TRIM71: variants seen among roughly 807,000 people sequenced by gnomAD.
TRIM71 encodes tripartite motif containing 71, also known as E3 ubiquitin-protein ligase TRIM71.
In TRIM71, 9 loss-of-function variants were observed where a neutral mutation model predicts 61.2. The observed-to-expected ratio is 0.15, with a 90% CI of 0.09 to 0.26. The LOEUF is 0.26. TRIM71 is among the 10% of genes least tolerant of loss of function. TRIM71 has a pLI of 1.00. For missense variants in TRIM71, 998 were observed against 1,238.7 expected, an observed-to-expected ratio of 0.81 and a Z score of 2.92; for synonymous variants, 645 against 553.2, an observed-to-expected ratio of 1.17 and a Z score of -2.33.
chr3:32,876,223 G>A (rs1176235335), intron 2 of TRIM71, among the ~76,000 whole-genome samples: 2 of 152,076 alleles, frequency 1.3e-5, no homozygotes, highest in Non-Finnish European at 2.9e-5. Context: ...ACAAATAAAT[G>A]CCTTACCCTG....
rs1364247909 is a variant in TRIM71 at position 32,892,927 on chromosome 3, A to T, written c.*1116A>T. The T allele has an allele frequency of 3.9e-5, 6 of 152,206 alleles. No individual in the cohort carries two copies. Among genetic ancestry groups the T allele is most frequent in the African/African-American group, 1.2e-4 (5 of 41,444 alleles). 9.4% of individuals were successfully genotyped at this position (152,206 alleles called of 1,614,324 possible). ...CCCAAACTATAGGAACTCCACAGAA[A>T]GGGCAGGGTCTGCCCTGACCCGCGA... is the stretch of plus-strand genomic sequence containing the variant. On this transcript the variant is annotated 3_prime_UTR_variant, in exon 4 of 4. Transcript: ENST00000383763.
chr3:32,847,713 CAAAT>C (rs1231529461), intron 1 of TRIM71, among the ~76,000 whole-genome samples: 2 of 152,180 alleles, frequency 1.3e-5, no homozygotes, highest in African/African-American at 2.4e-5. Context: ...CCATATGTGA[CAAAT>C]GAATGTGCTG....
chr3:32,818,612 C>T lies in TRIM71; in HGVS notation c.532C>T (p.Arg178Cys). 7.2e-7 allele frequency: 1 copy of T among 1,398,412 alleles called. No homozygotes were observed. The highest frequency in any genetic ancestry group is 9.2e-7 in the Non-Finnish European group (1 of 1,084,020). 86.6% of individuals were successfully genotyped at this position (1,398,412 alleles called of 1,614,324 possible). The change falls in exon 1 of 4, where the codon CGC becomes TGC. Residue 178 changes from arginine to cysteine, a missense_variant. Transcript: ENST00000383763. ...GGCGCCGCAGCCGCCCGCGCCTTCC[C>T]GCTCGGCACCCGGCGGCCCTGCCGC... The part of the protein sequence containing the change: ...PQAPQPPAPS[R>C]SAPGGPAASP...
chr3:32,831,239 G>C (rs1225746671), intron 1 of TRIM71, among the ~76,000 whole-genome samples: 1 of 152,124 alleles, frequency 6.6e-6, no homozygotes, highest in East Asian at 1.9e-4. Flanking sequence ...ATGAGCTACA[G>C]AGTAACAACT....
intron 1 of TRIM71, among the ~76,000 whole-genome samples, chr3:32,839,010 AG>A (rs1696372708): frequency 6.6e-6 from 1 of 151,464 alleles, no homozygotes; most frequent in African/African-American, 2.4e-5. Context: ...CATGTTGTCT[AG>A]GCTGGTCTTG....
chr3:32,870,530 T>C (rs1303044560), intron 1 of TRIM71, among the ~76,000 whole-genome samples: 1 of 152,072 alleles, frequency 6.6e-6, no homozygotes, highest in Non-Finnish European at 1.5e-5. Flanking sequence ...ATATCTGGGC[T>C]CTCAAGGCTG....
chr3:32,888,830 C>G (rs966685209), intron 3 of TRIM71, among the ~76,000 whole-genome samples: 4 of 152,178 alleles, frequency 2.6e-5, no homozygotes, highest in African/African-American at 7.2e-5. Flanking sequence ...GGGCCCCAAA[C>G]TAATTCTTTA....
intron 1 of TRIM71, among the ~76,000 whole-genome samples, chr3:32,863,418 A>G (rs960654959): frequency 5.9e-5 from 9 of 151,924 alleles, no homozygotes; most frequent in African/African-American, 1.7e-4. Context: ...CTAAGTGTAC[A>G]TTTTGACTTT....
intron 1 of TRIM71, among the ~76,000 whole-genome samples, chr3:32,872,371 TA>T (rs1355826541): frequency 2.6e-5 from 4 of 152,086 alleles, no homozygotes; most frequent in Non-Finnish European, 4.4e-5. Context: ...GTGAACCATT[TA>T]GGGGGAGCAT....
rs372088601 is a variant in TRIM71 at position 32,890,690 on chromosome 3, C to A, written c.1486C>A (p.Arg496Ser). 14 of 1,614,002 alleles carry A rather than the reference C, an allele frequency of 8.7e-6. No individual in the cohort carries two copies. The South Asian group carries it at 1.4e-4, about 16-fold the overall frequency. Residue 496 changes from arginine (R) to serine (S), a missense_variant, in exon 4 of 4, where the codon CGT becomes AGT. Physicochemically the swap from Arg to Ser is moderately radical, Grantham distance 110. This residue lies in a region of TRIM71 where 291 missense variants were observed against 431.2 expected (regional missense o/e 0.67). Transcript: ENST00000383763. This position sits in a 1 kb window ranked among gnomAD's most constrained non-coding sequence, Gnocchi z 6.2. ...CAAGGCCACAGGCGATGGCCTCAAGCGTGCCCTCCAGGGTAAGGTGGCCTC... is the reference window on the plus strand; with the variant it reads ...CAAGGCCACAGGCGATGGCCTCAAGAGTGCCCTCCAGGGTAAGGTGGCCTC... ...LTKATGDGLK[R>S]ALQGKVASFT...
At position 32,818,588 on chromosome 3, in the gene TRIM71, G is replaced by C. The variant is rs988660063; in HGVS notation, c.508G>C (p.Ala170Pro). The change falls in exon 1 of 4, where the codon GCG becomes CCG. Residue 170 changes from alanine to proline, a missense_variant. This residue lies in a region of TRIM71 where 527 missense variants were observed against 427.8 expected (regional missense o/e 1.23). Coordinates refer to ENST00000383763, the MANE Select transcript of TRIM71 (RefSeq NM_001039111.3). ...CGCCTCCGCGCCGCCACTCCCGCAG[G>C]CGCCGCAGCCGCCCGCGCCTTCCCG... The part of the protein sequence containing the change: ...ASASAPPLPQ[A>P]PQPPAPSRSA... 44 of 1,304,674 alleles carry C rather than the reference G, an allele frequency of 3.4e-5. No homozygotes were observed. Among genetic ancestry groups the C allele is most frequent in the Non-Finnish European group, 2.9e-5 (30 of 1,035,416 alleles). The allele number at this position is 1,304,674 out of a possible 1,614,324, so 80.8% of individuals were successfully genotyped here.
rs1034783667 is a variant in TRIM71, at chr3:32,891,968, A to G, written c.*157A>G. On this transcript the variant is annotated 3_prime_UTR_variant, in exon 4 of 4. Coordinates refer to ENST00000383763, the MANE Select transcript of TRIM71 (RefSeq NM_001039111.3). This position sits in a 1 kb window ranked among gnomAD's most constrained non-coding sequence, Gnocchi z 8.2. ...TTTTTAAAGAGAACAAGAAAAGTAC[A>G]ACATTGCTTAAGTCCTACCTCATCT... The G allele has an allele frequency of 9.3e-7, 1 of 1,073,110 alleles. No individual in the cohort carries two copies. Among genetic ancestry groups the G allele is most frequent in the African/African-American group, 1.6e-5 (1 of 61,742 alleles). 66.5% of individuals were successfully genotyped at this position (1,073,110 alleles called of 1,614,324 possible). A position where few individuals can be genotyped will look rare whatever the true frequency, so the allele number is the denominator to read the frequency against.
chr3:32,859,894 G>A (rs72852811), intron 1 of TRIM71, among the ~76,000 whole-genome samples: 8,337 of 152,032 alleles, frequency 0.055, 419 homozygotes, highest in African/African-American at 0.13. Context: ...ATCTTTTTGC[G>A]GTGGGTGGGT....
chr3:32,845,581 A>G (rs1162329680), intron 1 of TRIM71, among the ~76,000 whole-genome samples: 3 of 152,248 alleles, frequency 2.0e-5, no homozygotes, highest in Non-Finnish European at 2.9e-5. Flanking sequence ...GTCACTAGGT[A>G]AATGAGATCA....
chr3:32,848,477 T>A (rs1696500211), intron 1 of TRIM71, among the ~76,000 whole-genome samples: 1 of 152,224 alleles, frequency 6.6e-6, no homozygotes, highest in Non-Finnish European at 1.5e-5. Flanking sequence ...CATCAGGGCA[T>A]GAAGCCGTTG....
At position 32,891,840 on chromosome 3, in the gene TRIM71, G is replaced by C. The variant is rs181759059; in HGVS notation, c.*29G>C. On this transcript the variant is annotated 3_prime_UTR_variant, in exon 4 of 4. Transcript: ENST00000383763. This position sits in a 1 kb window ranked among gnomAD's most constrained non-coding sequence, Gnocchi z 8.2. ...CATTTCCTAGGTTTCTGTGTTTGGG[G>C]TGTGTGTGCGTGTCTCTCTCTCTCT... 6.3e-7 allele frequency: 1 copy of C among 1,591,006 alleles called. No individual in the cohort carries two copies. Among genetic ancestry groups the C allele is most frequent in the Non-Finnish European group, 8.5e-7 (1 of 1,170,506 alleles).
chr3:32,841,954 G>A (rs1192155587), intron 1 of TRIM71, among the ~76,000 whole-genome samples: 1 of 152,130 alleles, frequency 6.6e-6, no homozygotes, highest in African/African-American at 2.4e-5. Context: ...CAGCCAGGGT[G>A]CAGTTCTTGG....
rs1464462645 is a variant in TRIM71 at position 32,818,023 on chromosome 3, C to T, written c.-58C>T. 2 of 1,279,498 alleles carry T rather than the reference C, an allele frequency of 1.6e-6. No homozygotes were observed. The highest frequency in any genetic ancestry group is 2.7e-5 in the East Asian group (1 of 37,422). The allele number at this position is 1,279,498 out of a possible 1,614,324, so 79.3% of individuals were successfully genotyped here. A position where few individuals can be genotyped will look rare whatever the true frequency, so the allele number is the denominator to read the frequency against. ...CTCCCCCACCCACCTCGTCCGCTCTCTCCTCCTCCTCCTCCTCTTCCTCTC... is the reference window on the plus strand; with the variant it reads ...CTCCCCCACCCACCTCGTCCGCTCTTTCCTCCTCCTCCTCCTCTTCCTCTC... On this transcript the variant is annotated 5_prime_UTR_variant, in exon 1 of 4. Transcript: ENST00000383763.
Position 32,897,018 on chromosome 3 carries a change from T to A in TRIM71, c.*5207T>A, listed in dbSNP as rs1293466905. 1 of 115,108 alleles carries A rather than the reference T, an allele frequency of 8.7e-6. No homozygotes were observed. The highest frequency in any genetic ancestry group is 3.5e-5 in the African/African-American group (1 of 28,858). The allele number at this position is 115,108 out of a possible 1,614,324, so 7.1% of individuals were successfully genotyped here. On this transcript the variant is annotated 3_prime_UTR_variant, in exon 4 of 4. Transcript: ENST00000383763. ...CCTTTTCTCCTAAAATCGATGCAGG[T>A]AAGGGTGGGTGGGTAAGGGGTGTTG...
Sources: gnomAD v4.1 joint callset for allele counts (sites outside exome capture counted in the v4.1 genomes callset) on GRCh38, gnomAD v4.1.1 for gene constraint, gnomAD v4.1.1 regional missense constraint, Gnocchi (gnomAD v3.1) non-coding constraint, MANE v1.5 for transcripts, NCBI Gene and HGNC (gene_info 2026-07-23, HGNC 2026-07-21) for gene names.